The following CFTR variants were observed in gnomAD, a reference collection of about 807,000 sequenced individuals.
CFTR encodes the protein cystic fibrosis transmembrane conductance regulator.
A neutral mutation model predicts 171.6 loss-of-function variants in CFTR; 181 were observed. That is an observed-to-expected ratio of 1.05 (90% CI 0.93 to 1.19). CFTR has a LOEUF of 1.19. CFTR is among the 50% of genes most tolerant of loss of function. The pLI is 0.00. For missense variants in CFTR, 1,968 were observed against 1,734.7 expected, an observed-to-expected ratio of 1.13 and a Z score of -2.39; for synonymous variants, 583 against 608.0, an observed-to-expected ratio of 0.96 and a Z score of 0.60.
chr7:117,561,017 G>A (rs1799455637), intron 11 of CFTR, among the ~76,000 whole-genome samples: 1 of 151,970 alleles, frequency 6.6e-6, no homozygotes, highest in Non-Finnish European at 1.5e-5. Context: ...ATAAATGGTG[G>A]TTTGATTTCC....
chr7:117,640,049 A>G (rs1377304466), intron 22 of CFTR, among the ~76,000 whole-genome samples: 1 of 152,138 alleles, frequency 6.6e-6, no homozygotes, highest in Non-Finnish European at 1.5e-5. Flanking sequence ...AACTTTCAAC[A>G]TATTATTTTG....
In CFTR at chr7:117,668,259, A is replaced by G. The variant is rs895261596; in HGVS notation, c.*1151A>G. ...TATTTATTTTAATAATGTTTCAAACATATATAACAATGCTGTATTTTAAAA... is the reference window on the plus strand; with the variant it reads ...TATTTATTTTAATAATGTTTCAAACGTATATAACAATGCTGTATTTTAAAA... On this transcript the variant is annotated 3_prime_UTR_variant, in exon 27 of 27. Coordinates refer to ENST00000003084, the MANE Select transcript of CFTR (RefSeq NM_000492.4). 9 of 152,248 alleles carry G rather than the reference A, an allele frequency of 5.9e-5. No individual in the cohort carries two copies. The highest frequency in any genetic ancestry group is 1.0e-4 in the Non-Finnish European group (7 of 68,042). 9.4% of individuals were successfully genotyped at this position (152,248 alleles called of 1,614,324 possible). A position where few individuals can be genotyped will look rare whatever the true frequency, so the allele number is the denominator to read the frequency against.
chr7:117,597,573 T>G (rs1419995815), intron 15 of CFTR, among the ~76,000 whole-genome samples: 1 of 152,258 alleles, frequency 6.6e-6, no homozygotes, highest in Non-Finnish European at 1.5e-5. Context: ...TGTTCTCTTA[T>G]TCAAAAGGTT....
intron 15 of CFTR, among the ~76,000 whole-genome samples, chr7:117,596,317 A>C (rs1272535384): frequency 3.3e-5 from 5 of 152,154 alleles, no homozygotes; most frequent in African/African-American, 9.7e-5. Context: ...TCGATTTCTC[A>C]CTGGGCCTTA....
chr7:117,509,634 A>G (rs1463272516), intron 3 of CFTR, among the ~76,000 whole-genome samples: 2 of 152,172 alleles, frequency 1.3e-5, no homozygotes, highest in Non-Finnish European at 2.9e-5. Flanking sequence ...AATAAATAAT[A>G]CTAAAAATTT....
intron 11 of CFTR, among the ~76,000 whole-genome samples, chr7:117,585,228 CTTT>C (rs1283217037): frequency 6.6e-6 from 1 of 151,796 alleles, no homozygotes; most frequent in Non-Finnish European, 1.5e-5. Flanking sequence ...CTATGTACTT[CTTT>C]ATTTTTAACT....
In CFTR at chr7:117,593,230, G is replaced by A. The variant is rs961648081; in HGVS notation, c.2490+573G>A. Among the ~76,000 whole-genome samples, 5 of 152,102 alleles carry A rather than the reference G, an allele frequency of 3.3e-5. No individual in the cohort carries two copies. In the East Asian group the frequency reaches 9.6e-4, roughly 29 times the overall value. On this transcript the variant is annotated intron_variant, in intron 14 of 26. Coordinates refer to ENST00000003084, the MANE Select transcript of CFTR (RefSeq NM_000492.4). ...TAGAGAATGTATATAAGCTTAACAT[G>A]TACTAGTGCCAATCTTCAGACAGAA...
intron 3 of CFTR, among the ~76,000 whole-genome samples, chr7:117,530,396 G>C (rs1281479315): frequency 6.6e-6 from 1 of 152,072 alleles, no homozygotes; most frequent in African/African-American, 2.4e-5. Context: ...AAACACTTTT[G>C]AAAGTTCTAG....
chr7:117,530,391 C>G (rs556389335), intron 3 of CFTR, among the ~76,000 whole-genome samples: 1 of 152,150 alleles, frequency 6.6e-6, no homozygotes, highest in Non-Finnish European at 1.5e-5. Context: ...GCACAAAACA[C>G]TTTTGAAAGT....
chr7:117,667,531 T>C lies in CFTR; in HGVS notation c.*423T>C. On this transcript the variant is annotated 3_prime_UTR_variant, in exon 27 of 27. Coordinates refer to ENST00000003084, the MANE Select transcript of CFTR (RefSeq NM_000492.4). ...ACTTCTTAGGGTTATGATTAAGTAA[T>C]GATAACTGGAAACTTCAGCGGTTTA... 1 of 295,652 alleles carries C rather than the reference T, an allele frequency of 3.4e-6. No individual in the cohort carries two copies. Among genetic ancestry groups the C allele is most frequent in the East Asian group, 8.6e-5 (1 of 11,636 alleles). The allele number at this position is 295,652 out of a possible 1,614,324, so 18.3% of individuals were successfully genotyped here.
intron 24 of CFTR, among the ~76,000 whole-genome samples, chr7:117,661,116 C>T (rs1793273856): frequency 6.6e-6 from 1 of 152,160 alleles, no homozygotes; most frequent in Admixed American, 6.5e-5. Context: ...CTCACCAAAA[C>T]CTATTAGCAT....
Position 117,628,241 on chromosome 7 carries a change from T to C in CFTR, c.3717+471T>C, listed in dbSNP as rs945266892. 3.3e-5 allele frequency among the ~76,000 whole-genome samples: 5 copies of C among 152,180 alleles called. No homozygotes were observed. In the East Asian group the frequency reaches 7.7e-4, roughly 23 times the overall value. ...GTTTTAATTCAGACATAGATTATTTTTTCCCAGTTATTTACTATATTTATT... is the reference window on the plus strand; with the variant it reads ...GTTTTAATTCAGACATAGATTATTTCTTCCCAGTTATTTACTATATTTATT... On this transcript the variant is annotated intron_variant, in intron 22 of 26. Transcript: ENST00000003084.
rs139573311 is a variant in CFTR at position 117,559,471 on chromosome 7, T to C, written c.1400T>C (p.Leu467Pro). ...AGSTGAGKTS[L>P]LMVIMGELEP... ...GATGGGTTTTATTTCCAGACTTCAC[T>C]TCTAATGGTGATTATGGGAGAACTG... The change falls in exon 11 of 27, where the codon CTT becomes CCT. Residue 467 changes from leucine (L) to proline (P), a missense_variant. Leu to Pro is a moderately conservative substitution (Grantham distance 98). Coordinates refer to ENST00000003084, the MANE Select transcript of CFTR (RefSeq NM_000492.4). 3.7e-6 allele frequency: 6 copies of C among 1,602,186 alleles called. No homozygotes were observed. The African/African-American group carries it at 8.1e-5, about 22-fold the overall frequency.
chr7:117,530,517 A>G (rs1375992849), intron 3 of CFTR, among the ~76,000 whole-genome samples: 2 of 152,206 alleles, frequency 1.3e-5, no homozygotes, highest in African/African-American at 4.8e-5. Flanking sequence ...GTAAACAAAA[A>G]AAAAGCCTAC....
intron 23 of CFTR, among the ~76,000 whole-genome samples, chr7:117,646,668 T>G (rs1317758561): frequency 6.6e-6 from 1 of 151,418 alleles, no homozygotes; most frequent in African/African-American, 2.4e-5. Context: ...TGGCATGGGG[T>G]GTAGGTGGCA....
chr7:117,542,461 C>G (rs1799072103), intron 9 of CFTR, among the ~76,000 whole-genome samples: 1 of 152,014 alleles, frequency 6.6e-6, no homozygotes, highest in South Asian at 2.1e-4. Context: ...GCAGGAGAAT[C>G]ACTTGAACCT....
At chr7:117,535,103 G>A (rs1798926652) in intron 5 of CFTR, 145 bp from the exon 6 acceptor site, 2 of 850,740 alleles carry the variant, frequency 2.4e-6, no homozygotes, top group South Asian at 2.7e-5. Context: ...TCCATGTAAT[G>A]ATTACCTAGA....
chr7:117,531,761 A>G (rs1295254994), intron 4 of CFTR, among the ~76,000 whole-genome samples: 3 of 152,142 alleles, frequency 2.0e-5, no homozygotes, highest in Admixed American at 6.6e-5. Context: ...ACCACAATTC[A>G]AGGTTGTTTC....
At chr7:117,594,830 A>G (rs1489741091) in intron 14 of CFTR, 100 bp from the exon 15 acceptor site, 52 of 1,051,542 alleles carry the variant, frequency 4.9e-5, no homozygotes, top group Admixed American at 1.5e-4. Context: ...CTTAGATTCA[A>G]GTAATACTAT....
Sources: allele counts gnomAD v4.1 joint callset (sites outside exome capture counted in the v4.1 genomes callset), GRCh38; gene constraint gnomAD v4.1.1; transcripts MANE v1.5; gene names NCBI Gene and HGNC (gene_info 2026-07-23, HGNC 2026-07-21).